The following CACNG2 variants were observed in gnomAD, a reference collection of about 807,000 sequenced individuals.
CACNG2 encodes voltage-dependent calcium channel gamma-2 subunit.
In CACNG2, 3 loss-of-function variants were observed where a neutral mutation model predicts 25.9. The ratio of observed to expected loss-of-function variants is 0.12; its 90% CI spans 0.05 to 0.30. CACNG2 has a LOEUF of 0.30. Among genes scored for constraint, CACNG2 ranks in the 10% least tolerant of loss-of-function variants. The pLI, the probability that CACNG2 is intolerant of heterozygous loss-of-function variation, is 1.00. For synonymous variants in CACNG2, 167 were observed against 173.3 expected (o/e 0.96, Z 0.29); for missense variants, 341 against 432.5 (o/e 0.79, Z 1.88).
intron 2 of CACNG2, among the ~76,000 whole-genome samples, chr22:36,583,030 G>A (rs1290194837): frequency 6.6e-6 from 1 of 152,044 alleles, no homozygotes; most frequent in South Asian, 2.1e-4. Context: ...TGCGTTCCTG[G>A]TGGGGCTCAG....
At chr22:36,575,820 G>A (rs563637678) in intron 2 of CACNG2, among the ~76,000 whole-genome samples, 1 of 152,304 alleles carries the variant, frequency 6.6e-6, no homozygotes, top group South Asian at 2.1e-4. Context: ...TATGTAGCGG[G>A]CAGGTTCCTC....
intron 1 of CACNG2, among the ~76,000 whole-genome samples, chr22:36,651,321 C>T (rs552728660): frequency 6.6e-6 from 1 of 150,860 alleles, no homozygotes; most frequent in Non-Finnish European, 1.5e-5. Context: ...CTCCGCCTCC[C>T]AGGTTCAAGT....
intron 2 of CACNG2, among the ~76,000 whole-genome samples, chr22:36,581,121 G>GC (rs1935410286): frequency 6.6e-6 from 1 of 152,206 alleles, no homozygotes; most frequent in Non-Finnish European, 1.5e-5. Context: ...TATGGAGGCT[G>GC]CCACAGCAGA....
intron 1 of CACNG2, among the ~76,000 whole-genome samples, chr22:36,629,926 C>T (rs1936242691): frequency 1.3e-5 from 2 of 152,150 alleles, no homozygotes; most frequent in African/African-American, 4.8e-5. Context: ...GATGCGAGGG[C>T]ATGGGGGCGT....
chr22:36,598,355 T>A (rs945329594), intron 1 of CACNG2, among the ~76,000 whole-genome samples: 3 of 152,274 alleles, frequency 2.0e-5, no homozygotes, highest in African/African-American at 7.2e-5. Flanking sequence ...TGGTGGTTCA[T>A]GCCTATAATC....
At chr22:36,613,614 T>A (rs1459889264) in intron 1 of CACNG2, among the ~76,000 whole-genome samples, 2 of 152,184 alleles carry the variant, frequency 1.3e-5, no homozygotes, top group Non-Finnish European at 2.9e-5. Flanking sequence ...CTGTCTTCTC[T>A]TTTCATTCTA....
chr22:36,601,922 C>T (rs1437924670), intron 1 of CACNG2, among the ~76,000 whole-genome samples: 1 of 152,094 alleles, frequency 6.6e-6, no homozygotes, highest in Non-Finnish European at 1.5e-5. Context: ...GTGGCATCAA[C>T]CTACATTCCC....
At chr22:36,647,756 A>G (rs1045780330) in intron 1 of CACNG2, among the ~76,000 whole-genome samples, 3 of 152,128 alleles carry the variant, frequency 2.0e-5, no homozygotes, top group African/African-American at 2.4e-5. Flanking sequence ...CTCCCCTTTT[A>G]CATAGTTACC....
intron 1 of CACNG2, among the ~76,000 whole-genome samples, chr22:36,658,212 G>C (rs991633538): frequency 6.6e-6 from 1 of 152,170 alleles, no homozygotes; most frequent in African/African-American, 2.4e-5. Context: ...CCATGAACTT[G>C]AGTGGGGGCA....
At chr22:36,604,096 AT>A (rs1168908909) in intron 1 of CACNG2, among the ~76,000 whole-genome samples, 2 of 152,230 alleles carry the variant, frequency 1.3e-5, no homozygotes, top group Non-Finnish European at 2.9e-5. Context: ...AAGTATCAAC[AT>A]TAACAGGAAT....
intron 1 of CACNG2, among the ~76,000 whole-genome samples, chr22:36,661,015 C>T (rs934665088): frequency 1.4e-4 from 21 of 152,218 alleles, no homozygotes; most frequent in African/African-American, 5.1e-4. Flanking sequence ...GGCTGTGATG[C>T]CAATGACCTG....
intron 2 of CACNG2, among the ~76,000 whole-genome samples, chr22:36,580,041 C>T (rs1384987440): frequency 7.2e-5 from 11 of 152,234 alleles, no homozygotes; most frequent in African/African-American, 2.7e-4. Flanking sequence ...GTGGCGAATG[C>T]CTGCTGAATG....
chr22:36,674,014 C>A (rs941149595), intron 1 of CACNG2, among the ~76,000 whole-genome samples: 2 of 152,208 alleles, frequency 1.3e-5, no homozygotes, highest in Admixed American at 1.3e-4. Flanking sequence ...GTGCCGCGGG[C>A]AGCCGTCCCT....
intron 1 of CACNG2, among the ~76,000 whole-genome samples, chr22:36,641,332 T>G (rs983480031): frequency 1.3e-5 from 2 of 152,328 alleles, no homozygotes; most frequent in Middle Eastern, 3.4e-3. Flanking sequence ...TCAGTGTAGA[T>G]AGCCAATAGA....
In CACNG2 at chr22:36,702,634, G is replaced by C. The variant is rs1937425063; in HGVS notation, c.-58C>G. 7.2e-7 allele frequency: 1 copy of C among 1,393,094 alleles called. No homozygotes were observed. Among genetic ancestry groups the C allele is most frequent in the African/African-American group, 1.4e-5 (1 of 70,570 alleles). The allele number at this position is 1,393,094 out of a possible 1,614,324, so 86.3% of individuals were successfully genotyped here. A position where few individuals can be genotyped will look rare whatever the true frequency, so the allele number is the denominator to read the frequency against. Reference sequence around the variant, plus strand: ...CTGGTTCTCGGGAGAGTGTGTGTGAGGGTGCAAGTACTAAAGCCAAAAAAA... The same window carrying C: ...CTGGTTCTCGGGAGAGTGTGTGTGACGGTGCAAGTACTAAAGCCAAAAAAA... On this transcript the variant is annotated 5_prime_UTR_variant, in exon 1 of 4. Coordinates refer to ENST00000300105, the MANE Select transcript of CACNG2 (RefSeq NM_006078.5).
intron 2 of CACNG2, among the ~76,000 whole-genome samples, chr22:36,583,820 A>T (rs1274397211): frequency 6.6e-6 from 1 of 152,170 alleles, no homozygotes; most frequent in African/African-American, 2.4e-5. Flanking sequence ...CATCACACTT[A>T]GAATGAGAGC....
At chr22:36,625,221 C>A (rs138997043) in intron 1 of CACNG2, among the ~76,000 whole-genome samples, 15 of 152,038 alleles carry the variant, frequency 9.9e-5, no homozygotes, top group African/African-American at 3.6e-4. Context: ...GAGGAGAGAA[C>A]GCTGGATAGA....
intron 1 of CACNG2, among the ~76,000 whole-genome samples, chr22:36,657,796 G>T (rs1228772969): frequency 6.6e-6 from 1 of 152,090 alleles, no homozygotes; most frequent in Admixed American, 6.6e-5. Context: ...AGGGAGTGGA[G>T]GCTTGTAGTT....
chr22:36,561,944 C>T lies in CACNG2; in HGVS notation c.*2407G>A, dbSNP rs1264292790. The T allele has an allele frequency of 1.3e-5, 2 of 152,248 alleles. No individual in the cohort carries two copies. Among genetic ancestry groups the T allele is most frequent in the East Asian group, 3.8e-4 (2 of 5,204 alleles). The allele number at this position is 152,248 out of a possible 1,614,324, so 9.4% of individuals were successfully genotyped here. A position where few individuals can be genotyped will look rare whatever the true frequency, so the allele number is the denominator to read the frequency against. ...TCAGCCTTGAGCCCTCCCAGTAAAC[C>T]TCAGAGGATCCTCTTTTTCACAGAC... On this transcript the variant is annotated 3_prime_UTR_variant, in exon 4 of 4. Coordinates refer to ENST00000300105, the MANE Select transcript of CACNG2 (RefSeq NM_006078.5).
Sources: allele counts gnomAD v4.1 joint callset (sites outside exome capture counted in the v4.1 genomes callset), GRCh38; gene constraint gnomAD v4.1.1; transcripts MANE v1.5; gene names NCBI Gene and HGNC (gene_info 2026-07-23, HGNC 2026-07-21).